The following KLF12 variants were observed in gnomAD, a reference collection of about 807,000 sequenced individuals.
The protein encoded by KLF12 is Krueppel-like factor 12.
In KLF12, 9 loss-of-function variants were observed where a neutral mutation model predicts 37.8. The observed-to-expected ratio is 0.24, with a 90% CI of 0.14 to 0.42. The LOEUF (loss-of-function observed/expected upper bound fraction) is 0.42, where lower values mean the gene tolerates loss of function less well. Among genes scored for constraint, KLF12 ranks in the 10% least tolerant of loss-of-function variants. The pLI, the probability that KLF12 is intolerant of heterozygous loss-of-function variation, is 1.00. For missense variants in KLF12, 411 were observed against 516.0 expected (o/e 0.80, Z 1.97); for synonymous variants, 208 against 202.1 (o/e 1.03, Z -0.25).
At chr13:73,780,566 G>A (rs895745104) in intron 5 of KLF12, among the ~76,000 whole-genome samples, 1 of 151,078 alleles carries the variant, frequency 6.6e-6, no homozygotes, top group Admixed American at 6.6e-5. Context: ...CGCAACCTCC[G>A]CCGCCCAAGT....
chr13:73,916,273 A>C (rs1183632619), intron 3 of KLF12, among the ~76,000 whole-genome samples: 1 of 151,930 alleles, frequency 6.6e-6, no homozygotes, highest in Non-Finnish European at 1.5e-5. Context: ...ACACAGCTTT[A>C]AAGTGTTAAT....
chr13:74,047,374 G>C (rs146537811), intron 1 of KLF12, among the ~76,000 whole-genome samples: 10,753 of 151,928 alleles, frequency 0.071, 508 homozygotes, highest in Non-Finnish European at 0.1. Flanking sequence ...GGCAGATCAC[G>C]AGGTCAGGAG....
At chr13:73,759,724 G>A (rs1253577941) in intron 6 of KLF12, among the ~76,000 whole-genome samples, 1 of 152,094 alleles carries the variant, frequency 6.6e-6, no homozygotes, top group Non-Finnish European at 1.5e-5. Flanking sequence ...TTTTTGTCTG[G>A]GGGCCTCCAT....
At chr13:73,764,549 C>T (rs1189763078) in intron 6 of KLF12, among the ~76,000 whole-genome samples, 2 of 151,790 alleles carry the variant, frequency 1.3e-5, no homozygotes, top group African/African-American at 4.8e-5. Context: ...CGTTGTAATC[C>T]CCAAAACTAA....
intron 1 of KLF12, among the ~76,000 whole-genome samples, chr13:74,126,510 TAAAG>T (rs1162542245): frequency 6.6e-6 from 1 of 152,202 alleles, no homozygotes; most frequent in Non-Finnish European, 1.5e-5. Context: ...GCACTTCCAA[TAAAG>T]ATTCATCACT....
chr13:74,038,129 TAC>T (rs906726045), intron 1 of KLF12, among the ~76,000 whole-genome samples: 5 of 152,212 alleles, frequency 3.3e-5, no homozygotes, highest in African/African-American at 1.2e-4. Flanking sequence ...CTGTGGATTA[TAC>T]CAATGTCAAT....
At chr13:74,078,378 T>C (rs2138741993) in intron 1 of KLF12, among the ~76,000 whole-genome samples, 1 of 152,302 alleles carries the variant, frequency 6.6e-6, no homozygotes, top group East Asian at 1.9e-4. Context: ...AAAAACCATA[T>C]TACTAAAAAT....
At chr13:74,045,963 T>C (rs1893532349) in intron 1 of KLF12, among the ~76,000 whole-genome samples, 1 of 152,236 alleles carries the variant, frequency 6.6e-6, no homozygotes, top group African/African-American at 2.4e-5. Flanking sequence ...CTCCTATTTA[T>C]TTCAGTGGTT....
intron 1 of KLF12, among the ~76,000 whole-genome samples, chr13:74,100,028 T>C (rs868254737): frequency 9.2e-5 from 14 of 151,848 alleles, no homozygotes; most frequent in African/African-American, 2.9e-4. Flanking sequence ...TGACACCAAG[T>C]ACACAGAGTG....
At chr13:74,122,235 G>A (rs1477345228) in intron 1 of KLF12, among the ~76,000 whole-genome samples, 1 of 151,870 alleles carries the variant, frequency 6.6e-6, no homozygotes, top group East Asian at 1.9e-4. Flanking sequence ...TCCCACAAAA[G>A]GACAATAACC....
At chr13:73,886,992 C>CAA (rs35604161) in intron 3 of KLF12, among the ~76,000 whole-genome samples, 58 of 127,198 alleles carry the variant, frequency 4.6e-4, no homozygotes, top group South Asian at 1.0e-3. Flanking sequence ...AAATCCGTCT[C>CAA]AAAAAAAAAA....
In KLF12 at chr13:73,969,030, A is replaced by T. The variant is rs1052533321; in HGVS notation, c.34-24960T>A. On this transcript the variant is annotated intron_variant, in intron 2 of 7. Coordinates refer to ENST00000377669, the MANE Select transcript of KLF12 (RefSeq NM_007249.5). The stretch of plus-strand genomic sequence containing the variant: ...ATCTCTCTCCCTTACCCCATACTTT[A>T]AAAAAAAAAAAAAAACCTATAGCAA... Among the ~76,000 whole-genome samples the T allele has an allele frequency of 6.3e-3, 20 of 3,186 alleles. No individual in the cohort carries two copies. In the South Asian group the frequency reaches 0.13, roughly 20 times the overall value. The allele number at this position is 3,186 out of a possible 152,430, so 2.1% of individuals were successfully genotyped here.
chr13:73,907,831 C>A (rs1888376630), intron 3 of KLF12, among the ~76,000 whole-genome samples: 1 of 152,142 alleles, frequency 6.6e-6, no homozygotes. Flanking sequence ...TACAACGACC[C>A]ACATGATTGA....
chr13:73,777,700 C>T (rs894560924), intron 5 of KLF12, among the ~76,000 whole-genome samples: 5 of 149,544 alleles, frequency 3.3e-5, no homozygotes, highest in African/African-American at 1.2e-4. Context: ...AAGAATGAAA[C>T]TCCATTTCAA....
chr13:73,935,438 G>A (rs1482407458), intron 3 of KLF12, among the ~76,000 whole-genome samples: 1 of 152,044 alleles, frequency 6.6e-6, no homozygotes, highest in Non-Finnish European at 1.5e-5. Flanking sequence ...ATGTTGAAAT[G>A]CGACCTCCAA....
chr13:73,760,271 C>T (rs546539871), intron 6 of KLF12, among the ~76,000 whole-genome samples: 28 of 152,164 alleles, frequency 1.8e-4, no homozygotes, highest in African/African-American at 6.5e-4. Context: ...TGGCAGCATC[C>T]AATTGGTTAG....
Position 73,732,687 on chromosome 13 carries a change from T to A in KLF12, c.870-17162A>T, listed in dbSNP as rs150772670. ...TCTGTTTCAACTCTTCCTTGAGTGA[T>A]CTTGCTCATTCCCATGTTTCGCATG... On this transcript the variant is annotated intron_variant, in intron 6 of 7. Transcript: ENST00000377669. Among the ~76,000 whole-genome samples the A allele has an allele frequency of 3.2e-3, 495 of 152,312 alleles. 2 individuals carry two copies. Among genetic ancestry groups the A allele is most frequent in the African/African-American group, 0.011 (471 of 41,564 alleles).
In KLF12 at chr13:73,738,155, A is replaced by AT. The variant is rs1877663266; in HGVS notation, c.870-22631dup. 2.4e-5 allele frequency among the ~76,000 whole-genome samples: 3 copies of AT among 123,508 alleles called. No individual in the cohort carries two copies. The South Asian group carries it at 7.6e-4, about 31-fold the overall frequency. The allele number at this position is 123,508 out of a possible 152,430, so 81.0% of individuals were successfully genotyped here. A position where few individuals can be genotyped will look rare whatever the true frequency, so the allele number is the denominator to read the frequency against. ...CACACACATATATATACACACACAC[A>AT]TTTTTTTGAGACAGAGTCTTGCTCT... On this transcript the variant is annotated intron_variant, in intron 6 of 7. Coordinates refer to ENST00000377669, the MANE Select transcript of KLF12 (RefSeq NM_007249.5).
At chr13:73,882,726 C>G (rs1425548438) in intron 3 of KLF12, among the ~76,000 whole-genome samples, 1 of 152,164 alleles carries the variant, frequency 6.6e-6, no homozygotes, top group Admixed American at 6.5e-5. Flanking sequence ...ATGAATGCTT[C>G]TAATGTTTTG....
Sources: allele counts gnomAD v4.1 joint callset (sites outside exome capture counted in the v4.1 genomes callset), GRCh38; gene constraint gnomAD v4.1.1; transcripts MANE v1.5; gene names NCBI Gene and HGNC (gene_info 2026-07-23, HGNC 2026-07-21).